Variants in STX17 observed in about 807,000 individuals in gnomAD.
STX17 encodes the protein syntaxin-17.
A neutral mutation model predicts 35.9 loss-of-function variants in STX17; 29 were observed. The observed-to-expected ratio is 0.81, with a 90% confidence interval of 0.60 to 1.10. The LOEUF (loss-of-function observed/expected upper bound fraction) is 1.10. STX17 is among the 50% of genes least tolerant of loss of function. STX17 has a pLI of 0.00. For missense variants in STX17, 312 were observed against 352.3 expected (o/e 0.89, Z 0.92); for synonymous variants, 92 against 118.3 (o/e 0.78, Z 1.44).
chr9:99,953,651 T>C (rs1268712439), intron 4 of STX17, among the ~76,000 whole-genome samples: 1 of 152,024 alleles, frequency 6.6e-6, no homozygotes, highest in Non-Finnish European at 1.5e-5. Context: ...TACCCAGACA[T>C]TGTGATAGTT....
chr9:99,957,425 G>C (rs1051502701), intron 4 of STX17, among the ~76,000 whole-genome samples: 1 of 152,154 alleles, frequency 6.6e-6, no homozygotes, highest in Middle Eastern at 3.2e-3. Flanking sequence ...AATGTACTCT[G>C]TGTTGATTAC....
At chr9:99,944,798 G>A (rs1436379729) in intron 3 of STX17, among the ~76,000 whole-genome samples, 2 of 152,082 alleles carry the variant, frequency 1.3e-5, no homozygotes, top group Non-Finnish European at 2.9e-5. Context: ...TTACAGGCAT[G>A]AGCCACTGCG....
At chr9:99,953,017 T>TA (rs1285707688) in intron 4 of STX17, among the ~76,000 whole-genome samples, 4 of 151,796 alleles carry the variant, frequency 2.6e-5, no homozygotes, top group African/African-American at 9.7e-5. Flanking sequence ...CCCTAGAACT[T>TA]AAAGTATAAT....
chr9:99,934,346 A>G (rs1829183383), intron 3 of STX17, among the ~76,000 whole-genome samples: 1 of 152,168 alleles, frequency 6.6e-6, no homozygotes, highest in Admixed American at 6.5e-5. Context: ...CGAGTGCTAC[A>G]CTTAATACCT....
intron 3 of STX17, among the ~76,000 whole-genome samples, chr9:99,948,910 T>A (rs1211003667): frequency 6.6e-6 from 1 of 152,086 alleles, no homozygotes; most frequent in Non-Finnish European, 1.5e-5. Flanking sequence ...CTGTAGAAAA[T>A]TTTTAATGCT....
chr9:99,929,982 G>A (rs1829082076), intron 3 of STX17: 1 of 133,886 alleles, frequency 7.5e-6, no homozygotes, highest in East Asian at 2.1e-4. Flanking sequence ...TTGCAATCTC[G>A]GCTCACTGCA....
At chr9:99,959,827 C>T (rs751545814) in intron 4 of STX17, 90 bp from the exon 5 acceptor site, 6 of 911,476 alleles carry the variant, frequency 6.6e-6, no homozygotes, top group South Asian at 1.5e-5. Flanking sequence ...CACCATTTAA[C>T]GTGGCATTTG....
At chr9:99,916,014 AGTGT>A in intron 2 of STX17, 1 of 455,292 alleles carries the variant, frequency 2.2e-6, no homozygotes, top group South Asian at 1.6e-5. Flanking sequence ...TTGAACTTTG[AGTGT>A]GTGTCTTTCA....
intron 3 of STX17, among the ~76,000 whole-genome samples, chr9:99,934,501 C>G (rs985822662): frequency 6.6e-6 from 1 of 152,002 alleles, no homozygotes; most frequent in Non-Finnish European, 1.5e-5. Flanking sequence ...AGTGAGAAGT[C>G]ATTATATTAG....
chr9:99,967,805 C>T lies in STX17; in HGVS notation c.669+66C>T, dbSNP rs184171370. The T allele has an allele frequency of 1.8e-3, 2,414 of 1,350,600 alleles. 6 individuals carry two copies. The highest frequency in any genetic ancestry group is 2.4e-3 in the Admixed American group (141 of 59,484). 83.7% of individuals were successfully genotyped at this position (1,350,600 alleles called of 1,614,324 possible). On this transcript the variant is annotated intron_variant, in intron 7 of 7. Transcript: ENST00000259400. ...CTCCCAGGAATCTCTAGTATTAACC[C>T]AATTGATCTGCTCTCTTCAATGTTG...
intron 2 of STX17, among the ~76,000 whole-genome samples, chr9:99,921,093 C>T (rs117044656): frequency 8.0e-4 from 121 of 152,182 alleles, no homozygotes; most frequent in Non-Finnish European, 1.3e-3. Flanking sequence ...TTACTGCCTT[C>T]GCTTTTTAGG....
chr9:99,949,092 T>C (rs773087197), intron 3 of STX17, among the ~76,000 whole-genome samples: 4 of 152,136 alleles, frequency 2.6e-5, no homozygotes, highest in Non-Finnish European at 4.4e-5. Context: ...CCACTGTGTT[T>C]GTCTAGACTC....
chr9:99,946,588 T>C (rs1829487127), intron 3 of STX17, among the ~76,000 whole-genome samples: 1 of 152,214 alleles, frequency 6.6e-6, no homozygotes, highest in African/African-American at 2.4e-5. Flanking sequence ...TCATTTCTTT[T>C]TGCATTTCCA....
intron 2 of STX17, among the ~76,000 whole-genome samples, chr9:99,917,796 T>TA (rs1205019325): frequency 3.3e-5 from 5 of 152,222 alleles, no homozygotes; most frequent in Non-Finnish European, 7.3e-5. Context: ...GGGAAAAACT[T>TA]ACTGTGTAGC....
intron 3 of STX17, among the ~76,000 whole-genome samples, chr9:99,943,258 C>T (rs1028372518): frequency 9.2e-5 from 14 of 152,016 alleles, no homozygotes; most frequent in African/African-American, 3.1e-4. Context: ...CTCAGCCTCC[C>T]GAGTAGCTGG....
intron 2 of STX17, among the ~76,000 whole-genome samples, chr9:99,924,074 C>A (rs1564060576): frequency 6.6e-6 from 1 of 152,198 alleles, no homozygotes; most frequent in Non-Finnish European, 1.5e-5. Context: ...AGGGTATGAT[C>A]TAATACTAAC....
rs1828742713 is a variant in STX17, at chr9:99,915,194, G to A, written c.-46G>A. On this transcript the variant is annotated 5_prime_UTR_variant, in exon 2 of 8. Transcript: ENST00000259400. ...TTCTTTTAGGTTTTTCTATATGAGTGGAGAAGACAGCTGTTACCAGGGAGG... is the reference window on the plus strand; with the variant it reads ...TTCTTTTAGGTTTTTCTATATGAGTAGAGAAGACAGCTGTTACCAGGGAGG... 1 of 1,575,804 alleles carries A rather than the reference G, an allele frequency of 6.3e-7. No homozygotes were observed. Among genetic ancestry groups the A allele is most frequent in the African/African-American group, 1.4e-5 (1 of 72,946 alleles).
At chr9:99,928,741 T>C (rs971131673) in intron 2 of STX17, 37 bp from the exon 3 acceptor site, 1 of 1,589,684 alleles carries the variant, frequency 6.3e-7, no homozygotes, top group African/African-American at 1.4e-5. Context: ...CCTTTAGTGA[T>C]GAAAAATTTA....
At position 99,973,229 on chromosome 9, in the gene STX17, C is replaced by T. The variant is rs1830048601; in HGVS notation, c.*4556C>T. 1.3e-5 allele frequency among the ~76,000 whole-genome samples: 2 copies of T among 149,688 alleles called. No individual in the cohort carries two copies. Among genetic ancestry groups the T allele is most frequent in the Admixed American group, 6.6e-5 (1 of 15,118 alleles). The stretch of plus-strand genomic sequence containing the variant: ...AATATTAAATTGAAAAAAAAAAACC[C>T]ATAAAAAGTGTCAAAGGCAAATAAT... On this transcript the variant is annotated 3_prime_UTR_variant, in exon 8 of 8. Coordinates refer to ENST00000259400, the MANE Select transcript of STX17 (RefSeq NM_017919.3).
Sources: gnomAD v4.1 joint callset for allele counts (sites outside exome capture counted in the v4.1 genomes callset) on GRCh38, gnomAD v4.1.1 for gene constraint, MANE v1.5 for transcripts, NCBI Gene and HGNC (gene_info 2026-07-23, HGNC 2026-07-21) for gene names.